Variants in KCNH1 observed in about 807,000 individuals in gnomAD.
KCNH1 encodes the protein voltage-gated delayed rectifier potassium channel KCNH1.
A neutral mutation model predicts 69.2 loss-of-function variants in KCNH1; 27 were observed. The ratio of observed to expected loss-of-function variants is 0.39; its 90% CI spans 0.29 to 0.54. The LOEUF is 0.54. Ranked by LOEUF, KCNH1 falls within the 20% of genes least tolerant of loss-of-function variation. The pLI is 0.68. For missense variants in KCNH1, 798 were observed against 1,261.6 expected (o/e 0.63, Z 5.57); for synonymous variants, 456 against 487.7 (o/e 0.93, Z 0.86).
chr1:211,033,131 C>T (rs4262610), intron 5 of KCNH1, among the ~76,000 whole-genome samples: 67,988 of 152,040 alleles, frequency 0.45, 16,100 homozygotes, highest in African/African-American at 0.58. Context: ...CAAAAGAAGA[C>T]ATTTATGCAG....
intron 7 of KCNH1, among the ~76,000 whole-genome samples, chr1:210,914,288 T>G (rs1001805377): frequency 6.6e-6 from 1 of 152,194 alleles, no homozygotes; most frequent in Admixed American, 6.5e-5. Flanking sequence ...CCACTATGTG[T>G]TGGAAGTCTC....
intron 10 of KCNH1, among the ~76,000 whole-genome samples, chr1:210,755,011 G>T (rs1429889838): frequency 2.0e-5 from 3 of 152,174 alleles, no homozygotes; most frequent in Admixed American, 2.0e-4. Context: ...TGCAAACAGG[G>T]CCTGCTTCTG....
chr1:211,046,063 T>C (rs186876946), intron 5 of KCNH1, among the ~76,000 whole-genome samples: 2 of 152,334 alleles, frequency 1.3e-5, no homozygotes, highest in African/African-American at 4.8e-5. Context: ...ATACACCCTA[T>C]TTCTTTATTC....
intron 1 of KCNH1, among the ~76,000 whole-genome samples, chr1:211,115,730 T>TATATATATATATATAC (rs1159442976): frequency 8.3e-4 from 72 of 86,974 alleles, no homozygotes; most frequent in African/African-American, 1.4e-3. Context: ...TATATATATA[T>TATATATATATATATAC]ACACACACAC....
chr1:210,730,549 T>C (rs1030070080), intron 10 of KCNH1, among the ~76,000 whole-genome samples: 1 of 151,144 alleles, frequency 6.6e-6, no homozygotes, highest in Non-Finnish European at 1.5e-5. Context: ...GCCTAGTAAT[T>C]ACTGATGAAA....
At chr1:210,740,568 T>C (rs1387903008) in intron 10 of KCNH1, among the ~76,000 whole-genome samples, 1 of 152,132 alleles carries the variant, frequency 6.6e-6, no homozygotes, top group Non-Finnish European at 1.5e-5. Context: ...GAATTTTACT[T>C]ACAGGCTGCC....
rs1426456490 is a variant in KCNH1, at chr1:210,760,456, A to G, written c.2112+14892T>C. ...CTTCCAAAGAAAGCTTCATAAACAA[A>G]GGAGAAATAAAGTGTTTCCCAGACA... On this transcript the variant is annotated intron_variant, in intron 10 of 10. Coordinates refer to ENST00000271751, the MANE Select transcript of KCNH1 (RefSeq NM_172362.3). Among the ~76,000 whole-genome samples, 3 of 152,308 alleles carry G rather than the reference A, an allele frequency of 2.0e-5. No homozygotes were observed. The East Asian group carries it at 5.8e-4, about 29-fold the overall frequency.
At chr1:210,856,570 T>C (rs1685841968) in intron 7 of KCNH1, among the ~76,000 whole-genome samples, 1 of 151,664 alleles carries the variant, frequency 6.6e-6, no homozygotes, top group Non-Finnish European at 1.5e-5. Flanking sequence ...CTCTGCCATG[T>C]GCACAAAATT....
intron 7 of KCNH1, among the ~76,000 whole-genome samples, chr1:210,896,687 A>G (rs2102529702): frequency 6.6e-6 from 1 of 152,310 alleles, no homozygotes; most frequent in East Asian, 1.9e-4. Flanking sequence ...CTAGCAACTC[A>G]GCGGAAAGTT....
At chr1:211,027,263 AC>A (rs1221950133) in intron 5 of KCNH1, among the ~76,000 whole-genome samples, 13 of 152,160 alleles carry the variant, frequency 8.5e-5, no homozygotes, top group Admixed American at 7.9e-4. Context: ...AAGTTTTAGA[AC>A]CAGAAAATGT....
Position 210,978,917 on chromosome 1 carries a change from T to C in KCNH1, c.1032+39866A>G, listed in dbSNP as rs576456126. Among the ~76,000 whole-genome samples the C allele has an allele frequency of 1.3e-4, 20 of 152,318 alleles. 1 individual carries two copies. The South Asian group carries it at 3.9e-3, about 30-fold the overall frequency. On this transcript the variant is annotated intron_variant, in intron 6 of 10. Transcript: ENST00000271751. ...ACATGCTGTTGGGCCCTTTAGTGTCTCCTCTGCATATTCAAACAGCCTCAA... is the reference window on the plus strand; with the variant it reads ...ACATGCTGTTGGGCCCTTTAGTGTCCCCTCTGCATATTCAAACAGCCTCAA...
chr1:210,757,527 C>A (rs1683424901), intron 10 of KCNH1, among the ~76,000 whole-genome samples: 1 of 152,198 alleles, frequency 6.6e-6, no homozygotes, highest in South Asian at 2.1e-4. Context: ...ATATTCTAAG[C>A]CACTCCCTGA....
chr1:210,773,039 C>T (rs959527414), intron 10 of KCNH1, among the ~76,000 whole-genome samples: 2 of 152,110 alleles, frequency 1.3e-5, no homozygotes, highest in Non-Finnish European at 2.9e-5. Flanking sequence ...TCCAAATAAC[C>T]CAAACTGCAT....
At chr1:211,127,681 A>G (rs1691805700) in intron 1 of KCNH1, among the ~76,000 whole-genome samples, 1 of 152,192 alleles carries the variant, frequency 6.6e-6, no homozygotes, top group Admixed American at 6.5e-5. Context: ...TTTGGGCAAC[A>G]TCACTACTAA....
At chr1:211,047,544 G>T (rs561288081) in intron 5 of KCNH1, among the ~76,000 whole-genome samples, 1 of 152,166 alleles carries the variant, frequency 6.6e-6, no homozygotes, top group African/African-American at 2.4e-5. Flanking sequence ...TCCAATCTTG[G>T]CTTCAGAGCT....
chr1:211,090,813 C>T (rs1691038541), intron 3 of KCNH1, 123 bp from the exon 4 acceptor site: 1 of 879,758 alleles, frequency 1.1e-6, no homozygotes, highest in African/African-American at 1.8e-5. Flanking sequence ...CTTATTAATA[C>T]TTCAAGTGCT....
At chr1:210,740,719 T>C (rs1683007681) in intron 10 of KCNH1, among the ~76,000 whole-genome samples, 1 of 147,792 alleles carries the variant, frequency 6.8e-6, no homozygotes, top group South Asian at 2.2e-4. Flanking sequence ...TTTTTTTTTT[T>C]TTTTTTTTTT....
chr1:210,973,142 A>T (rs1688544100), intron 6 of KCNH1, among the ~76,000 whole-genome samples: 1 of 152,126 alleles, frequency 6.6e-6, no homozygotes, highest in South Asian at 2.1e-4. Context: ...AAAGTTCTAC[A>T]TGTTAATATC....
At chr1:211,031,432 C>A (rs1341945379) in intron 5 of KCNH1, among the ~76,000 whole-genome samples, 1 of 152,070 alleles carries the variant, frequency 6.6e-6, no homozygotes, top group Admixed American at 6.6e-5. Flanking sequence ...CGGACAGAGA[C>A]ACAACAAAAA....
Sources: allele counts gnomAD v4.1 joint callset (sites outside exome capture counted in the v4.1 genomes callset), GRCh38; gene constraint gnomAD v4.1.1; transcripts MANE v1.5; gene names NCBI Gene and HGNC (gene_info 2026-07-23, HGNC 2026-07-21).